The following HYCC2 variants were observed in gnomAD, a reference collection of about 807,000 sequenced individuals.
HYCC2 encodes hyccin 2.
chr2:200,991,345 G>A, the HYCC2 span, among the ~76,000 whole-genome samples: 276 of 152,082 alleles, frequency 1.8e-3, 2 homozygotes, highest in African/African-American at 6.5e-3. Flanking sequence ...CGAGGTGGGT[G>A]GATCACGAGG....
At chr2:201,071,083 C>A in the HYCC2 span, among the ~76,000 whole-genome samples, 1 of 152,178 alleles carries the variant, frequency 6.6e-6, no homozygotes, top group East Asian at 1.9e-4. Context: ...GGAGGGACAA[C>A]CTAGTTGTTT....
chr2:200,983,063 C>A, the HYCC2 span, among the ~76,000 whole-genome samples: 4 of 152,090 alleles, frequency 2.6e-5, no homozygotes, highest in East Asian at 5.8e-4. Flanking sequence ...CGGCCAACAA[C>A]AGAATTCTTA....
At chr2:201,000,437 A>G in the HYCC2 span, among the ~76,000 whole-genome samples, 1 of 152,158 alleles carries the variant, frequency 6.6e-6, no homozygotes, top group Non-Finnish European at 1.5e-5. Context: ...AGCTTTGGGG[A>G]AAAAAATGTA....
the HYCC2 span, among the ~76,000 whole-genome samples, chr2:201,032,661 A>C: frequency 6.6e-6 from 1 of 152,278 alleles, no homozygotes; most frequent in South Asian, 2.1e-4. Flanking sequence ...TTACACAAAA[A>C]TTAAGAACTT....
At chr2:201,019,315 T>C in the HYCC2 span, among the ~76,000 whole-genome samples, 1 of 152,190 alleles carries the variant, frequency 6.6e-6, no homozygotes, top group South Asian at 2.1e-4. Context: ...TACACTGGCA[T>C]GTGGGACACT....
chr2:200,992,920 A>G, the HYCC2 span: 1 of 1,613,462 alleles, frequency 6.2e-7, no homozygotes, highest in Non-Finnish European at 8.5e-7. Flanking sequence ...AAGTTGCACC[A>G]TAAATTCAGG....
the HYCC2 span, among the ~76,000 whole-genome samples, chr2:201,062,090 GC>G: frequency 3.0e-4 from 46 of 152,208 alleles, no homozygotes; most frequent in Admixed American, 6.5e-4. Flanking sequence ...GAGCAACAAA[GC>G]AAGACCCTGT....
the HYCC2 span, chr2:201,022,015 T>C: frequency 2.5e-5 from 30 of 1,198,118 alleles, no homozygotes; most frequent in Non-Finnish European, 3.1e-5. Flanking sequence ...AGGACAAAAA[T>C]GAAGATGCAC....
At chr2:201,036,857 A>G in the HYCC2 span, among the ~76,000 whole-genome samples, 2 of 152,210 alleles carry the variant, frequency 1.3e-5, no homozygotes, top group Non-Finnish European at 1.5e-5. Context: ...GCCCTCTCTC[A>G]CCACTCCTAT....
At chr2:201,012,304 T>C in the HYCC2 span, among the ~76,000 whole-genome samples, 2 of 151,768 alleles carry the variant, frequency 1.3e-5, no homozygotes, top group Non-Finnish European at 2.9e-5. Context: ...TACAAAAAAA[T>C]ACAAAAATTA....
the HYCC2 span, among the ~76,000 whole-genome samples, chr2:200,990,621 G>A: frequency 2.7e-3 from 407 of 150,944 alleles, no homozygotes; most frequent in African/African-American, 9.2e-3. Context: ...TGCCCAGGCT[G>A]AGGTGCAGTG....
At chr2:201,005,500 C>A in the HYCC2 span, among the ~76,000 whole-genome samples, 1 of 152,140 alleles carries the variant, frequency 6.6e-6, no homozygotes, top group African/African-American at 2.4e-5. Flanking sequence ...AGCAAAAAAA[C>A]CGGAACTACA....
chr2:200,977,531 C>T, the HYCC2 span: 1 of 152,234 alleles, frequency 6.6e-6, no homozygotes, highest in Admixed American at 6.6e-5. Context: ...CGATTTTCCC[C>T]TTAGCTTCTT....
the HYCC2 span, among the ~76,000 whole-genome samples, chr2:201,025,978 T>C: frequency 6.6e-6 from 1 of 152,116 alleles, no homozygotes; most frequent in African/African-American, 2.4e-5. Context: ...TAACCTTAAA[T>C]GTAAATGGGC....
At chr2:201,001,297 C>T in the HYCC2 span, among the ~76,000 whole-genome samples, 2 of 152,072 alleles carry the variant, frequency 1.3e-5, no homozygotes, top group African/African-American at 2.4e-5. Flanking sequence ...CTTGTACTTT[C>T]GAATCTGCAG....
the HYCC2 span, among the ~76,000 whole-genome samples, chr2:201,027,335 C>CA: frequency 2.0e-5 from 3 of 151,862 alleles, no homozygotes; most frequent in Non-Finnish European, 2.9e-5. Flanking sequence ...GCCTACCAAC[C>CA]AAAAAAAGCC....
chr2:201,043,125 T>C, the HYCC2 span, among the ~76,000 whole-genome samples: 5 of 152,174 alleles, frequency 3.3e-5, no homozygotes, highest in African/African-American at 1.2e-4. Context: ...ATCTATAACC[T>C]TACCCCCAAC....
chr2:200,982,583 A>G, the HYCC2 span, among the ~76,000 whole-genome samples: 1 of 152,064 alleles, frequency 6.6e-6, no homozygotes, highest in Non-Finnish European at 1.5e-5. Flanking sequence ...GTGGTAGGGA[A>G]CCAGCAGGGG....
At chr2:201,056,193 C>CAA in the HYCC2 span, among the ~76,000 whole-genome samples, 257 of 135,474 alleles carry the variant, frequency 1.9e-3, no homozygotes, top group African/African-American at 6.8e-3. Flanking sequence ...GACTCCGTCT[C>CAA]AAAAAAAAAA....
Sources: allele counts gnomAD v4.1 joint callset (sites outside exome capture counted in the v4.1 genomes callset), GRCh38; gene constraint gnomAD v4.1.1; transcripts MANE v1.5; gene names NCBI Gene and HGNC (gene_info 2026-07-23, HGNC 2026-07-21).